The following FBXL5 variants were observed in gnomAD, a reference collection of about 807,000 sequenced individuals.
FBXL5 encodes the protein F-box and leucine rich repeat protein 5, also known as F-box/LRR-repeat protein 5.
Under a neutral mutation model 78.3 loss-of-function variants are expected in FBXL5, and 26 were observed. The observed-to-expected ratio is 0.33, with a 90% CI of 0.24 to 0.46. The LOEUF (loss-of-function observed/expected upper bound fraction) is 0.46. FBXL5 is among the 20% of genes least tolerant of loss of function. The probability of loss-of-function intolerance (pLI) is 1.00; values close to 1 mark genes in which losing one functional copy is unlikely to be tolerated. For missense variants in FBXL5, 710 were observed against 829.2 expected (o/e 0.86, Z 1.77); for synonymous variants, 295 against 282.5 (o/e 1.04, Z -0.45).
intron 5 of FBXL5, among the ~76,000 whole-genome samples, chr4:15,631,320 A>T (rs1046137503): frequency 6.6e-5 from 10 of 152,174 alleles, no homozygotes; most frequent in Non-Finnish European, 1.0e-4. Flanking sequence ...TCTATCATTG[A>T]TGGACATTTG....
chr4:15,652,068 CAAGCTACT>C (rs975545300), intron 1 of FBXL5, among the ~76,000 whole-genome samples: 11 of 152,268 alleles, frequency 7.2e-5, no homozygotes, highest in Admixed American at 4.6e-4. Context: ...TTCTGTAGTA[CAAGCTACT>C]ACAGAGTAGA....
At chr4:15,671,974 CATT>C (rs1029774293) in intron 1 of FBXL5, among the ~76,000 whole-genome samples, 1 of 152,146 alleles carries the variant, frequency 6.6e-6, no homozygotes, top group African/African-American at 2.4e-5. Context: ...CTTTTTATCT[CATT>C]ATGGGTCCTA....
At chr4:15,626,121 G>T in intron 8 of FBXL5, 144 bp from the exon 9 acceptor site, 1 of 794,426 alleles carries the variant, frequency 1.3e-6, no homozygotes, top group South Asian at 2.2e-5. Context: ...TATTGTTAAG[G>T]TACTATTCTT....
In FBXL5 at chr4:15,655,314, C is replaced by A; in HGVS notation, c.-27G>T. 1 of 1,366,220 alleles carries A rather than the reference C, an allele frequency of 7.3e-7. No homozygotes were observed. The highest frequency in any genetic ancestry group is 1.4e-5 in the South Asian group (1 of 70,116). 84.6% of individuals were successfully genotyped at this position (1,366,220 alleles called of 1,614,324 possible). A position where few individuals can be genotyped will look rare whatever the true frequency, so the allele number is the denominator to read the frequency against. The stretch of plus-strand genomic sequence containing the variant: ...GCCACTGCCTCAGCCTCCGCCTCAG[C>A]AGCCGCGGCCGCCGCCTCTCCATAG... On this transcript the variant is annotated 5_prime_UTR_variant, in exon 1 of 11. Coordinates refer to ENST00000341285, the MANE Select transcript of FBXL5 (RefSeq NM_012161.4).
chr4:15,626,842 C>A, intron 8 of FBXL5, 31 bp downstream of exon 8: 1 of 1,448,138 alleles, frequency 6.9e-7, no homozygotes, highest in Non-Finnish European at 9.3e-7. Flanking sequence ...AATAGTTTTT[C>A]ATTATATTTA....
chr4:15,666,023 TAAAA>T (rs201861584), intron 1 of FBXL5, among the ~76,000 whole-genome samples: 3 of 148,260 alleles, frequency 2.0e-5, no homozygotes, highest in African/African-American at 7.5e-5. Context: ...AACCTTTTTT[TAAAA>T]AAAAAAAAAT....
chr4:15,642,074 A>G (rs549023930), intron 2 of FBXL5, among the ~76,000 whole-genome samples: 1 of 151,992 alleles, frequency 6.6e-6, no homozygotes. Context: ...ATATATATCA[A>G]TATCAACACT....
chr4:15,625,914 G>A lies in FBXL5; in HGVS notation c.1188C>T (p.Ile396=). ...RHLDLSGCEK[I]TDVALEKISR... ...AAATCTTCTCTAGGGCCACATCTGT[G>A]ATTTTCTCACAACCAGACAGATCAA... The change falls in exon 9 of 11, where the codon ATC becomes ATT. Residue 396 remains isoleucine, a synonymous_variant. Transcript: ENST00000341285. The A allele has an allele frequency of 6.2e-7, 1 of 1,613,666 alleles. No individual in the cohort carries two copies. Among genetic ancestry groups the A allele is most frequent in the East Asian group, 2.2e-5 (1 of 44,882 alleles).
rs1210355162 is a variant in FBXL5 at position 15,636,662 on chromosome 4, C to G, written c.598G>C (p.Glu200Gln). ...AGATGGGTTATACCTGTGGAGTGTT[C>G]TGACACTTCTGCTTCTGAAATAAAA... is the stretch of plus-strand genomic sequence containing the variant. ...EKSDKEAEVS[E>Q]HSTGITHLPP... Residue 200 changes from glutamate (E) to glutamine (Q), a missense_variant, in exon 5 of 11, where the codon GAA becomes CAA. Physicochemically the swap from Glu to Gln is conservative, Grantham distance 29. Coordinates refer to ENST00000341285, the MANE Select transcript of FBXL5 (RefSeq NM_012161.4). 6.4e-7 allele frequency: 1 copy of G among 1,563,428 alleles called. No homozygotes were observed. The highest frequency in any genetic ancestry group is 1.9e-5 in the Admixed American group (1 of 52,910).
intron 1 of FBXL5, among the ~76,000 whole-genome samples, chr4:15,675,668 G>A (rs1181884744): frequency 7.2e-6 from 1 of 139,720 alleles, no homozygotes; most frequent in African/African-American, 2.7e-5. Context: ...TGCAACCTCT[G>A]CCTCCCAGGT....
chr4:15,645,644 G>T (rs1347138517), intron 1 of FBXL5, among the ~76,000 whole-genome samples: 1 of 151,798 alleles, frequency 6.6e-6, no homozygotes, highest in African/African-American at 2.4e-5. Flanking sequence ...GGCCAGGCTG[G>T]TCTTGAACTC....
Position 15,648,293 on chromosome 4 carries a change from T to C in FBXL5, c.85-3585A>G, listed in dbSNP as rs371106278. ...AAAATAAAATATCATTAGAAAGGAA[T>C]TGGTACAGCCATTATGGAAAACAGT... On this transcript the variant is annotated intron_variant, in intron 1 of 10. Coordinates refer to ENST00000341285, the MANE Select transcript of FBXL5 (RefSeq NM_012161.4). 9.2e-4 allele frequency among the ~76,000 whole-genome samples: 140 copies of C among 152,300 alleles called. 1 individual carries two copies. In the South Asian group the frequency reaches 0.022, roughly 23 times the overall value.
At chr4:15,632,004 G>C (rs1056291422) in intron 5 of FBXL5, among the ~76,000 whole-genome samples, 6 of 152,196 alleles carry the variant, frequency 3.9e-5, no homozygotes, top group African/African-American at 1.4e-4. Flanking sequence ...CCTATGTCCT[G>C]AATGGTATTG....
intron 1 of FBXL5, among the ~76,000 whole-genome samples, chr4:15,645,134 A>C (rs901565976): frequency 6.6e-6 from 1 of 152,030 alleles, no homozygotes; most frequent in African/African-American, 2.4e-5. Flanking sequence ...TACCTCCTAG[A>C]CTTGCTTTCT....
intron 1 of FBXL5, among the ~76,000 whole-genome samples, chr4:15,654,897 C>G (rs1716656858): frequency 6.6e-6 from 1 of 152,070 alleles, no homozygotes; most frequent in African/African-American, 2.4e-5. Context: ...CCCAGCGCGG[C>G]GGTGGGGCCG....
intron 5 of FBXL5, among the ~76,000 whole-genome samples, chr4:15,636,094 AATT>A (rs1197314638): frequency 6.6e-6 from 1 of 152,040 alleles, no homozygotes; most frequent in Non-Finnish European, 1.5e-5. Flanking sequence ...ATATTCATAT[AATT>A]ATTATTAAAC....
At chr4:15,642,653 T>C (rs2148659938) in intron 2 of FBXL5, among the ~76,000 whole-genome samples, 1 of 152,374 alleles carries the variant, frequency 6.6e-6, no homozygotes, top group East Asian at 1.9e-4. Context: ...CCTGTTCTCT[T>C]ACGACTTTAC....
At chr4:15,649,439 C>T (rs546258797) in intron 1 of FBXL5, among the ~76,000 whole-genome samples, 3 of 151,900 alleles carry the variant, frequency 2.0e-5, no homozygotes, top group East Asian at 1.9e-4. Context: ...ATTAGTTGGG[C>T]GTGGTTAGCA....
chr4:15,661,138 A>C (rs1717291795), upstream of FBXL5, among the ~76,000 whole-genome samples: 1 of 152,106 alleles, frequency 6.6e-6, no homozygotes, highest in Non-Finnish European at 1.5e-5. Flanking sequence ...TAACCAATTT[A>C]ACTGTGATTA....
Sources: gnomAD v4.1 joint callset for allele counts (sites outside exome capture counted in the v4.1 genomes callset) on GRCh38, gnomAD v4.1.1 for gene constraint, MANE v1.5 for transcripts, NCBI Gene and HGNC (gene_info 2026-07-23, HGNC 2026-07-21) for gene names.